The following TAFA1 variants were observed in gnomAD, a reference collection of about 807,000 sequenced individuals.
The protein encoded by TAFA1 is TAFA chemokine like family member 1.
In TAFA1, 4 loss-of-function variants were observed where a neutral mutation model predicts 18.5. That is an observed-to-expected ratio of 0.22 (90% confidence interval 0.11 to 0.49). TAFA1 has a LOEUF of 0.49. Ranked by LOEUF, TAFA1 falls within the 20% of genes least tolerant of loss-of-function variation. The pLI is 0.98. For missense variants in TAFA1, 147 were observed against 169.0 expected (o/e 0.87, Z 0.72); for synonymous variants, 56 against 55.2 (o/e 1.01, Z -0.06).
intron 2 of TAFA1, among the ~76,000 whole-genome samples, chr3:68,357,249 T>G (rs1379235279): frequency 1.3e-5 from 2 of 151,968 alleles, no homozygotes; most frequent in Non-Finnish European, 2.9e-5. Context: ...TGTTTCTTAT[T>G]TAGCAACTTA....
intron 3 of TAFA1, among the ~76,000 whole-genome samples, chr3:68,463,237 C>A (rs145503518): frequency 6.6e-6 from 1 of 152,154 alleles, no homozygotes; most frequent in Admixed American, 6.6e-5. Context: ...AAATTTTAAA[C>A]TTAATTGCTG....
At chr3:68,538,585 G>T (rs994760752) in intron 3 of TAFA1, among the ~76,000 whole-genome samples, 171 bp from the exon 4 acceptor site, 1 of 152,142 alleles carries the variant, frequency 6.6e-6, no homozygotes, top group African/African-American at 2.4e-5. Context: ...GCATTATAAG[G>T]CATATAAATT....
At chr3:68,107,975 C>A (rs772318935) in intron 2 of TAFA1, among the ~76,000 whole-genome samples, 1 of 152,044 alleles carries the variant, frequency 6.6e-6, no homozygotes, top group Admixed American at 6.6e-5. Flanking sequence ...ATGCCAAACC[C>A]TGGTGATTCA....
intron 2 of TAFA1, among the ~76,000 whole-genome samples, chr3:68,097,512 G>C (rs1385736186): frequency 1.3e-5 from 2 of 152,074 alleles, no homozygotes; most frequent in Non-Finnish European, 2.9e-5. Context: ...TATAATATGG[G>C]TTTGTATTCT....
At chr3:68,362,940 CTT>C (rs10681791) in intron 2 of TAFA1, among the ~76,000 whole-genome samples, 17 of 121,618 alleles carry the variant, frequency 1.4e-4, no homozygotes, top group Non-Finnish European at 9.9e-5. Context: ...AGATTTCTTC[CTT>C]TTTTTTTTTT....
chr3:68,460,984 C>T (rs1403485991), intron 3 of TAFA1, among the ~76,000 whole-genome samples: 2 of 152,016 alleles, frequency 1.3e-5, no homozygotes, highest in African/African-American at 2.4e-5. Flanking sequence ...GATAAGAGTC[C>T]AAATAACCTG....
At chr3:68,540,612 C>A (rs2073356773) in intron 4 of TAFA1, among the ~76,000 whole-genome samples, 1 of 152,142 alleles carries the variant, frequency 6.6e-6, no homozygotes, top group Non-Finnish European at 1.5e-5. Flanking sequence ...TGCCAAATCT[C>A]TTTTCTCTAT....
At position 68,241,548 on chromosome 3, in the gene TAFA1, C is replaced by A. The variant is rs80347355; in HGVS notation, c.119-175732C>A. ...TGAAAAACAGAACACAAATCCTGAA[C>A]TCCAGCTAAGTGTGCTTTTCCTAGG... On this transcript the variant is annotated intron_variant, in intron 2 of 4. Coordinates refer to ENST00000478136, the MANE Select transcript of TAFA1 (RefSeq NM_213609.4). Among the ~76,000 whole-genome samples, 1,064 of 152,284 alleles carry A rather than the reference C, an allele frequency of 7.0e-3. 13 individuals carry two copies. The highest frequency in any genetic ancestry group is 0.024 in the African/African-American group (1,001 of 41,568).
intron 2 of TAFA1, among the ~76,000 whole-genome samples, chr3:68,272,696 TA>T (rs1187207788): frequency 6.6e-6 from 1 of 152,166 alleles, no homozygotes; most frequent in African/African-American, 2.4e-5. Flanking sequence ...AAATAGGATC[TA>T]AAATTCTCAG....
chr3:68,455,987 C>G (rs1355024593), intron 3 of TAFA1, among the ~76,000 whole-genome samples: 1 of 152,100 alleles, frequency 6.6e-6, no homozygotes, highest in Non-Finnish European at 1.5e-5. Context: ...TGTTTGGGAG[C>G]AAGTAGATTA....
chr3:68,229,636 A>G (rs1472327779), intron 2 of TAFA1, among the ~76,000 whole-genome samples: 2 of 152,222 alleles, frequency 1.3e-5, no homozygotes, highest in Admixed American at 6.5e-5. Flanking sequence ...TTTTCTTCAC[A>G]TGGTTAATCA....
chr3:68,362,980 C>CTTTTTTTTTTTTT (rs10681792), intron 2 of TAFA1, among the ~76,000 whole-genome samples: 1 of 75,030 alleles, frequency 1.3e-5, no homozygotes, highest in African/African-American at 5.6e-5. Context: ...GTCTTGCAGG[C>CTTTTTTTTTTTTT]TTTTTTTTTT....
chr3:68,236,068 T>C (rs1173021541), intron 2 of TAFA1, among the ~76,000 whole-genome samples: 1 of 152,152 alleles, frequency 6.6e-6, no homozygotes, highest in East Asian at 1.9e-4. Flanking sequence ...AATGTAATTA[T>C]TGAGAGTAAA....
Position 68,322,667 on chromosome 3 carries a change from G to A in TAFA1, c.119-94613G>A, listed in dbSNP as rs1487269100. 2.0e-5 allele frequency among the ~76,000 whole-genome samples: 3 copies of A among 152,144 alleles called. No homozygotes were observed. The East Asian group carries it at 5.8e-4, about 29-fold the overall frequency. Reference sequence around the variant, plus strand: ...TCCCTTAAAGATGGTAATAGTCAGGGGCCGGGCGCTCATGCCTGTAATCCC... The same window carrying A: ...TCCCTTAAAGATGGTAATAGTCAGGAGCCGGGCGCTCATGCCTGTAATCCC... On this transcript the variant is annotated intron_variant, in intron 2 of 4. Coordinates refer to ENST00000478136, the MANE Select transcript of TAFA1 (RefSeq NM_213609.4).
chr3:68,329,038 C>G (rs2068819042), intron 2 of TAFA1, among the ~76,000 whole-genome samples: 1 of 151,342 alleles, frequency 6.6e-6, no homozygotes, highest in Non-Finnish European at 1.5e-5. Flanking sequence ...GCCCTTATCT[C>G]TCCCAAGCCT....
At chr3:68,405,310 A>G (rs1329174945) in intron 2 of TAFA1, among the ~76,000 whole-genome samples, 2 of 152,106 alleles carry the variant, frequency 1.3e-5, no homozygotes. Flanking sequence ...CATTAAATAA[A>G]TGTTATAAAG....
chr3:68,202,329 G>C (rs1360075637), intron 2 of TAFA1, among the ~76,000 whole-genome samples: 1 of 151,362 alleles, frequency 6.6e-6, no homozygotes, highest in Non-Finnish European at 1.5e-5. Flanking sequence ...TCTTTTGATT[G>C]GTATATTTAG....
chr3:68,506,827 CTTTCATTTCA>C (rs138691634), intron 3 of TAFA1, among the ~76,000 whole-genome samples: 1 of 151,168 alleles, frequency 6.6e-6, no homozygotes, highest in Non-Finnish European at 1.5e-5. Context: ...AAAATATACC[CTTTCATTTCA>C]TTTCATTTAA....
At chr3:68,427,557 T>C (rs2106826838) in intron 3 of TAFA1, among the ~76,000 whole-genome samples, 1 of 152,072 alleles carries the variant, frequency 6.6e-6, no homozygotes, top group South Asian at 2.1e-4. Context: ...TTCTGGGACC[T>C]GTATATAAAC....
Sources: allele counts gnomAD v4.1 joint callset (sites outside exome capture counted in the v4.1 genomes callset), GRCh38; gene constraint gnomAD v4.1.1; transcripts MANE v1.5; gene names NCBI Gene and HGNC (gene_info 2026-07-23, HGNC 2026-07-21).